The following METTL9 variants were observed in gnomAD, a reference collection of about 807,000 sequenced individuals.
METTL9 encodes protein-L-histidine N-pros-methyltransferase.
In METTL9, 10 loss-of-function variants were observed where a neutral mutation model predicts 36.0. The ratio of observed to expected loss-of-function variants is 0.28; its 90% CI spans 0.17 to 0.47. METTL9 has a LOEUF of 0.47. Among genes scored for constraint, METTL9 ranks in the 20% least tolerant of loss-of-function variants. The pLI, the probability that METTL9 is intolerant of heterozygous loss-of-function variation, is 0.99. For missense variants in METTL9, 246 were observed against 383.5 expected (o/e 0.64, Z 3.00); for synonymous variants, 175 against 149.7 (o/e 1.17, Z -1.23).
At chr16:21,610,468 A>G (rs942617366) in intron 1 of METTL9, among the ~76,000 whole-genome samples, 2 of 152,192 alleles carry the variant, frequency 1.3e-5, no homozygotes, top group African/African-American at 2.4e-5. Flanking sequence ...TGTCATGCAA[A>G]TGGTCAGAAA....
At position 21,641,443 on chromosome 16, in the gene METTL9, T is replaced by A. The variant is rs1420665066; in HGVS notation, c.752-13784T>A. 4.8e-6 allele frequency: 3 copies of A among 625,570 alleles called. No individual in the cohort carries two copies. In the African/African-American group the frequency reaches 5.7e-5, roughly 12 times the overall value. The allele number at this position is 625,570 out of a possible 1,614,324, so 38.8% of individuals were successfully genotyped here. Reference sequence around the variant, plus strand: ...GTTGTCTTTTCAGTTTACCTTTATTTTTTTTTAAGACCTGATGATATATGT... The same window carrying A: ...GTTGTCTTTTCAGTTTACCTTTATTATTTTTTAAGACCTGATGATATATGT... On this transcript the variant is annotated intron_variant, in intron 4 of 4. Transcript: ENST00000358154.
chr16:21,617,831 A>G, intron 2 of METTL9, 34 bp from the exon 3 acceptor site: 1 of 1,580,938 alleles, frequency 6.3e-7, no homozygotes, highest in Non-Finnish European at 8.7e-7. Context: ...TAATTTGCAT[A>G]GACACTTCCA....
chr16:21,643,596 T>A, intron 4 of METTL9: 1 of 1,605,378 alleles, frequency 6.2e-7, no homozygotes, highest in Non-Finnish European at 8.5e-7. Flanking sequence ...GGTTGGATTT[T>A]GACTGCCAAG....
upstream of METTL9, among the ~76,000 whole-genome samples, chr16:21,599,166 T>C (rs541665542): frequency 2.7e-4 from 41 of 151,964 alleles, no homozygotes; most frequent in Non-Finnish European, 4.7e-4. This position sits in a 1 kb window ranked among gnomAD's most constrained non-coding sequence, Gnocchi z 4.4. Flanking sequence ...CCTGTCAAAG[T>C]CCCGCCGTGG....
At chr16:21,621,149 AGTGTGTGTGT>A (rs112846012) in intron 3 of METTL9, among the ~76,000 whole-genome samples, 4 of 144,618 alleles carry the variant, frequency 2.8e-5, no homozygotes, top group Non-Finnish European at 6.1e-5. Flanking sequence ...TGAGAGAGAG[AGTGTGTGTGT>A]GTGTGTGTGT....
At chr16:21,634,816 T>G (rs555656955) in intron 4 of METTL9, among the ~76,000 whole-genome samples, 1 of 152,258 alleles carries the variant, frequency 6.6e-6, no homozygotes, top group Admixed American at 6.5e-5. Context: ...GCAGAAGGAT[T>G]TTCTTCCTTT....
chr16:21,615,206 G>A (rs925560030), intron 2 of METTL9, among the ~76,000 whole-genome samples: 6 of 152,074 alleles, frequency 3.9e-5, no homozygotes, highest in African/African-American at 1.4e-4. Flanking sequence ...ATAGGACAAT[G>A]CTTCCCCTCT....
At chr16:21,632,859 GAGTA>G (rs1422308316) in intron 4 of METTL9, among the ~76,000 whole-genome samples, 1 of 152,142 alleles carries the variant, frequency 6.6e-6, no homozygotes, top group Non-Finnish European at 1.5e-5. Flanking sequence ...CCACAAGTCT[GAGTA>G]AGGACTCCAA....
At chr16:21,653,005 G>A (rs1966617915) in intron 4 of METTL9, 1 of 173,110 alleles carries the variant, frequency 5.8e-6, no homozygotes, top group Non-Finnish European at 1.2e-5. Context: ...AAGAACAGCA[G>A]AAGGAGAAGT....
chr16:21,615,317 C>T (rs1965527536), intron 2 of METTL9, among the ~76,000 whole-genome samples: 1 of 152,116 alleles, frequency 6.6e-6, no homozygotes, highest in South Asian at 2.1e-4. Context: ...CAGCCTTGAC[C>T]TCCTCAGGCT....
At position 21,652,575 on chromosome 16, in the gene METTL9, G is replaced by A. The variant is rs769214915; in HGVS notation, c.752-2652G>A. 4 of 1,610,764 alleles carry A rather than the reference G, an allele frequency of 2.5e-6. No homozygotes were observed. The East Asian group carries it at 6.7e-5, about 27-fold the overall frequency. ...GATTGGTTTGCAGATGGCGAGCGAT[G>A]TTGCTTCTGCTCGCAGTCCCCATTT... is the stretch of plus-strand genomic sequence containing the variant. On this transcript the variant is annotated intron_variant, in intron 4 of 4. Transcript: ENST00000358154.
At chr16:21,631,342 TTTG>T (rs1965955971) in intron 4 of METTL9, among the ~76,000 whole-genome samples, 2 of 152,176 alleles carry the variant, frequency 1.3e-5, no homozygotes, top group African/African-American at 4.8e-5. Context: ...AAACTTTACT[TTTG>T]TTGAAAACCT....
intron 1 of METTL9, among the ~76,000 whole-genome samples, chr16:21,611,847 A>G (rs1965433555): frequency 6.6e-6 from 1 of 152,196 alleles, no homozygotes; most frequent in Non-Finnish European, 1.5e-5. Flanking sequence ...CTCATTTATT[A>G]TGAAAGATTA....
chr16:21,634,436 T>C (rs1486815941), intron 4 of METTL9, among the ~76,000 whole-genome samples: 1 of 152,178 alleles, frequency 6.6e-6, no homozygotes, highest in Admixed American at 6.5e-5. Flanking sequence ...TTATTTCTCA[T>C]TGGACAATCT....
intron 4 of METTL9, among the ~76,000 whole-genome samples, chr16:21,651,170 C>G (rs1032851981): frequency 6.6e-6 from 1 of 152,166 alleles, no homozygotes; most frequent in African/African-American, 2.4e-5. Flanking sequence ...TTGCAGTGAG[C>G]CGAGATCTTG....
At chr16:21,611,572 A>C (rs1220750105) in intron 1 of METTL9, among the ~76,000 whole-genome samples, 1 of 152,162 alleles carries the variant, frequency 6.6e-6, no homozygotes, top group East Asian at 1.9e-4. Flanking sequence ...TGTTAGAGGA[A>C]TCTCACTGCT....
upstream of METTL9, among the ~76,000 whole-genome samples, chr16:21,599,239 G>C (rs1193569159): frequency 6.6e-6 from 1 of 152,160 alleles, no homozygotes; most frequent in Non-Finnish European, 1.5e-5. This position sits in a 1 kb window ranked among gnomAD's most constrained non-coding sequence, Gnocchi z 4.4. Flanking sequence ...ATGAGGCGAG[G>C]AAAGACTGGA....
chr16:21,642,864 A>T (rs564106317), intron 4 of METTL9, among the ~76,000 whole-genome samples: 1 of 152,200 alleles, frequency 6.6e-6, no homozygotes, highest in Non-Finnish European at 1.5e-5. Flanking sequence ...TGTCACTAAG[A>T]TGCCAGCCTG....
chr16:21,648,125 C>T (rs1348123174), intron 4 of METTL9, among the ~76,000 whole-genome samples: 2 of 152,182 alleles, frequency 1.3e-5, no homozygotes, highest in Non-Finnish European at 2.9e-5. Flanking sequence ...TCTTTGATTA[C>T]TGAGCAGGGA....
Sources: allele counts gnomAD v4.1 joint callset (sites outside exome capture counted in the v4.1 genomes callset), GRCh38; gene constraint gnomAD v4.1.1; non-coding constraint Gnocchi (gnomAD v3.1); transcripts MANE v1.5; gene names NCBI Gene and HGNC (gene_info 2026-07-23, HGNC 2026-07-21).